The following TBC1D5 variants were observed in gnomAD, a reference collection of about 807,000 sequenced individuals.
TBC1D5 encodes TBC1 domain family, member 5.
In TBC1D5, 75 loss-of-function variants were observed where a neutral mutation model predicts 100.3. That is an observed-to-expected ratio of 0.75 (90% CI 0.62 to 0.91). The LOEUF (loss-of-function observed/expected upper bound fraction) is 0.91, where lower values mean the gene tolerates loss of function less well. Among genes scored for constraint, TBC1D5 ranks in the 40% least tolerant of loss-of-function variants. The probability of loss-of-function intolerance (pLI) is 0.00; values close to 1 mark genes in which losing one functional copy is unlikely to be tolerated. For synonymous variants in TBC1D5, 323 were observed against 325.6 expected (o/e 0.99, Z 0.09); for missense variants, 910 against 942.4 (o/e 0.97, Z 0.45).
At chr3:17,525,921 C>T (rs186312045) in intron 2 of TBC1D5, among the ~76,000 whole-genome samples, 116 of 152,154 alleles carry the variant, frequency 7.6e-4, no homozygotes, top group Admixed American at 7.5e-3. Flanking sequence ...ATATATCCGT[C>T]GGAACAGATT....
intron 17 of TBC1D5, among the ~76,000 whole-genome samples, chr3:17,234,432 A>G (rs981387594): frequency 4.1e-5 from 2 of 48,318 alleles, no homozygotes; most frequent in African/African-American, 1.4e-4. Flanking sequence ...AGGAAACAGG[A>G]AAAAAAAAAA....
intron 1 of TBC1D5, among the ~76,000 whole-genome samples, chr3:17,646,643 G>A (rs993515076): frequency 2.6e-5 from 4 of 152,054 alleles, no homozygotes; most frequent in African/African-American, 7.2e-5. Flanking sequence ...TAATGTTCAC[G>A]AAATAATCCC....
intron 13 of TBC1D5, among the ~76,000 whole-genome samples, chr3:17,365,408 T>G (rs1301502801): frequency 1.3e-5 from 2 of 152,206 alleles, no homozygotes; most frequent in East Asian, 1.9e-4. Flanking sequence ...ACTTCATCAA[T>G]TAACCCTTTG....
In TBC1D5 at chr3:17,365,240, T is replaced by C. The variant is rs138958252; in HGVS notation, c.995+6835A>G. ...TTCCTCTTGCTTGAATTATTGATTTTTGTTCGCCTCTCAGTGGGAAAAGCA... is the reference window on the plus strand; with the variant it reads ...TTCCTCTTGCTTGAATTATTGATTTCTGTTCGCCTCTCAGTGGGAAAAGCA... On this transcript the variant is annotated intron_variant, in intron 13 of 21. Transcript: ENST00000253692. Among the ~76,000 whole-genome samples, 124 of 152,324 alleles carry C rather than the reference T, an allele frequency of 8.1e-4. 2 individuals are homozygous for C. The East Asian group carries it at 0.012, about 15-fold the overall frequency.
chr3:17,590,144 C>T (rs892575282), intron 2 of TBC1D5, among the ~76,000 whole-genome samples: 2 of 152,060 alleles, frequency 1.3e-5, no homozygotes, highest in African/African-American at 4.8e-5. Context: ...AGAGTGTGAC[C>T]CATGAGGAAG....
At chr3:17,302,886 G>A (rs1219044527) in intron 14 of TBC1D5, among the ~76,000 whole-genome samples, 2 of 152,194 alleles carry the variant, frequency 1.3e-5, no homozygotes, top group African/African-American at 4.8e-5. Context: ...ACTACTAAGT[G>A]TAACTGAACA....
intron 3 of TBC1D5, among the ~76,000 whole-genome samples, chr3:17,479,159 G>T (rs879062692): frequency 1.3e-5 from 2 of 152,222 alleles, no homozygotes; most frequent in South Asian, 4.1e-4. Context: ...CTAGCTTTTG[G>T]GGTGGCAGAG....
At chr3:17,527,426 T>A (rs974432099) in intron 2 of TBC1D5, among the ~76,000 whole-genome samples, 24 of 152,134 alleles carry the variant, frequency 1.6e-4, no homozygotes, top group African/African-American at 5.3e-4. Context: ...GTCACTTCCA[T>A]CCTTTCAGGC....
intron 9 of TBC1D5, among the ~76,000 whole-genome samples, chr3:17,381,738 T>G (rs1375593176): frequency 6.6e-6 from 1 of 152,070 alleles, no homozygotes; most frequent in African/African-American, 2.4e-5. Context: ...TGAGTCTACC[T>G]TGCTTGCGAG....
At chr3:17,677,311 AAAC>A (rs2068772445) in intron 1 of TBC1D5, among the ~76,000 whole-genome samples, 1 of 152,124 alleles carries the variant, frequency 6.6e-6, no homozygotes, top group South Asian at 2.1e-4. Flanking sequence ...TACAAGAAAA[AAAC>A]AACCCCATCA....
chr3:17,432,673 T>C (rs562724329), intron 3 of TBC1D5, among the ~76,000 whole-genome samples: 54 of 152,310 alleles, frequency 3.5e-4, no homozygotes, highest in African/African-American at 1.2e-3. Flanking sequence ...ATCTGTATTG[T>C]AGATAATGAA....
chr3:17,318,204 A>C (rs908593701), intron 13 of TBC1D5, among the ~76,000 whole-genome samples: 3 of 131,142 alleles, frequency 2.3e-5, no homozygotes, highest in South Asian at 2.5e-4. Context: ...AGGAAGGGGA[A>C]CATCACACTC....
At chr3:17,223,901 A>G (rs1206932430) in intron 17 of TBC1D5, among the ~76,000 whole-genome samples, 1 of 45,876 alleles carries the variant, frequency 2.2e-5, no homozygotes, top group Non-Finnish European at 5.3e-5. Context: ...CTGTCTCAAA[A>G]AAACAAAACA....
intron 17 of TBC1D5, among the ~76,000 whole-genome samples, chr3:17,215,188 G>A (rs765009899): frequency 6.6e-6 from 1 of 152,094 alleles, no homozygotes; most frequent in Non-Finnish European, 1.5e-5. Flanking sequence ...CTGTTGTATT[G>A]AGAACAGAAT....
chr3:17,364,936 A>G (rs1199934623), intron 13 of TBC1D5, among the ~76,000 whole-genome samples: 1 of 152,200 alleles, frequency 6.6e-6, no homozygotes, highest in Non-Finnish European at 1.5e-5. Flanking sequence ...ATGCTATTGC[A>G]TAAACATCTT....
At chr3:17,240,960 C>T (rs1419130972) in intron 16 of TBC1D5, among the ~76,000 whole-genome samples, 1 of 152,124 alleles carries the variant, frequency 6.6e-6, no homozygotes, top group African/African-American at 2.4e-5. Flanking sequence ...AGCAATTTTT[C>T]ATCTGAATAG....
intron 13 of TBC1D5, among the ~76,000 whole-genome samples, chr3:17,355,794 A>G (rs1356368071): frequency 6.6e-6 from 1 of 152,076 alleles, no homozygotes; most frequent in Non-Finnish European, 1.5e-5. Flanking sequence ...TTCTAATTAG[A>G]GCCAAATGTG....
At chr3:17,705,012 C>A (rs2073851486) in intron 1 of TBC1D5, among the ~76,000 whole-genome samples, 4 of 132,920 alleles carry the variant, frequency 3.0e-5, no homozygotes, top group Non-Finnish European at 3.3e-5. Context: ...CTGACCCCCC[C>A]ACCTCCCTCC....
At chr3:17,195,276 C>T (rs2070498940) in intron 18 of TBC1D5, among the ~76,000 whole-genome samples, 1 of 152,146 alleles carries the variant, frequency 6.6e-6, no homozygotes, top group African/African-American at 2.4e-5. Flanking sequence ...ATTTGGAAAC[C>T]CATGTAGTTC....
Sources: allele counts gnomAD v4.1 joint callset (sites outside exome capture counted in the v4.1 genomes callset), GRCh38; gene constraint gnomAD v4.1.1; transcripts MANE v1.5; gene names NCBI Gene and HGNC (gene_info 2026-07-23, HGNC 2026-07-21).